The following PTPRN2 variants were observed in gnomAD, a reference collection of about 807,000 sequenced individuals.
PTPRN2 encodes the protein receptor-type tyrosine-protein phosphatase N2.
PTPRN2 carries 74 observed loss-of-function variants against 118.8 expected under a neutral mutation model. The observed-to-expected ratio is 0.62, with a 90% CI of 0.52 to 0.76. The LOEUF is 0.76. PTPRN2 is among the 30% of genes least tolerant of loss of function. PTPRN2 has a pLI of 0.00. For missense variants in PTPRN2, 1,481 were observed against 1,394.4 expected (o/e 1.06, Z -0.99); for synonymous variants, 641 against 608.0 (o/e 1.05, Z -0.80).
At chr7:158,274,810 G>A (rs554210722) in intron 3 of PTPRN2, among the ~76,000 whole-genome samples, 231 of 152,316 alleles carry the variant, frequency 1.5e-3, no homozygotes, top group African/African-American at 5.1e-3. Context: ...GGAGGAGAAC[G>A]TGGTTGCATT....
In PTPRN2 at chr7:157,986,197, G is replaced by C. The variant is rs899030957; in HGVS notation, c.1724-87460C>G. On this transcript the variant is annotated intron_variant, in intron 11 of 22. Transcript: ENST00000389418. This position sits in a 1 kb window ranked among gnomAD's most constrained non-coding sequence, Gnocchi z 4.5. ...TATGTCCGGGGGAAGCTATGGAGAG[G>C]GTGCTGCAAAGCTGCCAGCAAGTAT... Among the ~76,000 whole-genome samples the C allele has an allele frequency of 6.6e-6, 1 of 152,172 alleles. No individual in the cohort carries two copies. Among genetic ancestry groups the C allele is most frequent in the Non-Finnish European group, 1.5e-5 (1 of 68,034 alleles).
Position 158,565,837 on chromosome 7 carries a change from G to A in PTPRN2, c.112+21721C>T, listed in dbSNP as rs1056103547. On this transcript the variant is annotated intron_variant, in intron 1 of 22. Coordinates refer to ENST00000389418, the MANE Select transcript of PTPRN2 (RefSeq NM_002847.5). The surrounding 1 kb of genome is among the most constrained non-coding windows in gnomAD (Gnocchi z 4.6). ...CTGCCTATTGTCTCTGCCAGATGCA[G>A]GATATTCTGATGAGGAAACCGAGGC... is the stretch of plus-strand genomic sequence containing the variant. Among the ~76,000 whole-genome samples the A allele has an allele frequency of 2.0e-5, 3 of 152,146 alleles. No homozygotes were observed. The highest frequency in any genetic ancestry group is 7.2e-5 in the African/African-American group (3 of 41,422).
intron 13 of PTPRN2, among the ~76,000 whole-genome samples, chr7:157,678,788 T>C (rs1796786912): frequency 6.6e-6 from 1 of 152,112 alleles, no homozygotes; most frequent in Non-Finnish European, 1.5e-5. Flanking sequence ...TTGCTGAAAA[T>C]TCTGCAGGAG....
chr7:158,054,327 C>T (rs988294731), intron 11 of PTPRN2, among the ~76,000 whole-genome samples: 1 of 152,156 alleles, frequency 6.6e-6, no homozygotes, highest in Non-Finnish European at 1.5e-5. Context: ...GCTGAAGTCC[C>T]AAAGTGGGAC....
chr7:158,047,265 A>G (rs1403693593), intron 11 of PTPRN2, among the ~76,000 whole-genome samples: 3 of 152,256 alleles, frequency 2.0e-5, no homozygotes, highest in African/African-American at 4.8e-5. Flanking sequence ...GCTGGAGCCC[A>G]TGGGCCATGC....
At chr7:158,442,532 A>G (rs1257443425) in intron 2 of PTPRN2, among the ~76,000 whole-genome samples, 1 of 152,182 alleles carries the variant, frequency 6.6e-6, no homozygotes, top group Non-Finnish European at 1.5e-5. Context: ...ATTCAGGAGT[A>G]AGAGATTTGG....
At chr7:157,918,396 C>T (rs940920538) in intron 11 of PTPRN2, among the ~76,000 whole-genome samples, 2 of 152,134 alleles carry the variant, frequency 1.3e-5, no homozygotes. Context: ...AACAGGTAAA[C>T]CATCGAAGGA....
chr7:158,284,010 A>G (rs542439546), intron 3 of PTPRN2, among the ~76,000 whole-genome samples: 5 of 152,334 alleles, frequency 3.3e-5, no homozygotes, highest in Admixed American at 3.3e-4. Flanking sequence ...ACGTTAATCA[A>G]TCACACGTTT....
chr7:158,492,045 A>C (rs1223010206), intron 1 of PTPRN2, among the ~76,000 whole-genome samples: 1 of 152,168 alleles, frequency 6.6e-6, no homozygotes, highest in Non-Finnish European at 1.5e-5. Context: ...TCAGATCCTC[A>C]CGCAGTGACC....
At chr7:158,193,609 G>A (rs1056819761) in intron 4 of PTPRN2, among the ~76,000 whole-genome samples, 17 of 152,088 alleles carry the variant, frequency 1.1e-4, no homozygotes, top group Admixed American at 2.0e-4. Context: ...CCTGAGCCAC[G>A]GGGCAGCGTC....
chr7:158,390,259 T>C (rs972009286), intron 2 of PTPRN2, among the ~76,000 whole-genome samples: 1 of 152,102 alleles, frequency 6.6e-6, no homozygotes, highest in Non-Finnish European at 1.5e-5. Context: ...TATGTGGAAA[T>C]GGCCTCTCCT....
rs758312931 is a variant in PTPRN2, at chr7:157,540,612, T to A, written c.*102A>T. The A allele has an allele frequency of 2.2e-5, 22 of 996,510 alleles. No homozygotes were observed. Among genetic ancestry groups the A allele is most frequent in the Non-Finnish European group, 3.3e-5 (22 of 669,366 alleles). The allele number at this position is 996,510 out of a possible 1,614,324, so 61.7% of individuals were successfully genotyped here. A position where few individuals can be genotyped will look rare whatever the true frequency, so the allele number is the denominator to read the frequency against. ...GACTACGGGAGAGCTAAGGGCCCTA[T>A]TACTATGCAGTTATAATAGAAGACA... On this transcript the variant is annotated 3_prime_UTR_variant, in exon 23 of 23. Transcript: ENST00000389418.
chr7:157,648,986 T>C (rs1232411276), intron 14 of PTPRN2, among the ~76,000 whole-genome samples: 11 of 133,658 alleles, frequency 8.2e-5, no homozygotes, highest in South Asian at 2.8e-4. Context: ...ACCCATCCAC[T>C]GTGCACTGAA....
intron 6 of PTPRN2, among the ~76,000 whole-genome samples, chr7:158,141,470 CTGGGGCCGCCT>C (rs1306883696): frequency 6.6e-6 from 1 of 152,224 alleles, no homozygotes; most frequent in African/African-American, 2.4e-5. Context: ...GAGTCAGTGT[CTGGGGCCGCCT>C]AGACTCGCAT....
intron 6 of PTPRN2, among the ~76,000 whole-genome samples, chr7:158,150,188 G>T (rs948334824): frequency 6.6e-6 from 1 of 152,220 alleles, no homozygotes; most frequent in Admixed American, 6.5e-5. Context: ...GGCAGTGTGT[G>T]TGAGACCCAC....
At position 157,734,185 on chromosome 7, in the gene PTPRN2, CAGTT is replaced by C. The variant is rs1403808165; in HGVS notation, c.1789-51252_1789-51249del. Among the ~76,000 whole-genome samples, 138 of 149,956 alleles carry C rather than the reference CAGTT, an allele frequency of 9.2e-4. 17 individuals are homozygous for C. Among genetic ancestry groups the C allele is most frequent in the African/African-American group, 3.2e-3 (130 of 40,310 alleles). ...TCTTTTCCACCCCATGCACCCAGCA[CAGTT>C]ACTCTTTTCCGTCCCATGCGCCCAG... is the stretch of plus-strand genomic sequence containing the variant. On this transcript the variant is annotated intron_variant, in intron 12 of 22. Coordinates refer to ENST00000389418, the MANE Select transcript of PTPRN2 (RefSeq NM_002847.5).
Position 157,835,808 on chromosome 7 carries a change from G to A in PTPRN2, c.1788+62865C>T, listed in dbSNP as rs150074963. 1.6e-3 allele frequency among the ~76,000 whole-genome samples: 249 copies of A among 152,288 alleles called. 2 individuals are homozygous for A. In the Middle Eastern group the frequency reaches 0.058, roughly 35 times the overall value. ...GATCCAGATACATTAACACATTAATGGAACCATAAAAATAACAAATAAAAA... is the reference window on the plus strand; with the variant it reads ...GATCCAGATACATTAACACATTAATAGAACCATAAAAATAACAAATAAAAA... On this transcript the variant is annotated intron_variant, in intron 12 of 22. Coordinates refer to ENST00000389418, the MANE Select transcript of PTPRN2 (RefSeq NM_002847.5).
chr7:158,351,906 C>A (rs1333185679), intron 2 of PTPRN2, among the ~76,000 whole-genome samples: 3 of 123,474 alleles, frequency 2.4e-5, no homozygotes, highest in Non-Finnish European at 5.3e-5. Flanking sequence ...TGTCCGCTCC[C>A]CTCCTGTCCG....
intron 3 of PTPRN2, among the ~76,000 whole-genome samples, chr7:158,231,343 T>G (rs74931090): frequency 1.3e-5 from 2 of 152,012 alleles, no homozygotes; most frequent in South Asian, 2.1e-4. Flanking sequence ...TCAGATAAAA[T>G]AGACTGCAAG....
Sources: gnomAD v4.1 joint callset for allele counts (sites outside exome capture counted in the v4.1 genomes callset) on GRCh38, gnomAD v4.1.1 for gene constraint, Gnocchi (gnomAD v3.1) non-coding constraint, MANE v1.5 for transcripts, NCBI Gene and HGNC (gene_info 2026-07-23, HGNC 2026-07-21) for gene names.